Variants in ZNF521 observed in about 807,000 individuals in gnomAD.
ZNF521 encodes zinc finger protein 521.
In ZNF521, 14 loss-of-function variants were observed where a neutral mutation model predicts 105.5. The observed-to-expected ratio is 0.13, with a 90% CI of 0.09 to 0.21. The LOEUF is 0.21. ZNF521 is among the 10% of genes least tolerant of loss of function. The probability of loss-of-function intolerance (pLI) is 1.00; values close to 1 mark genes in which losing one functional copy is unlikely to be tolerated. For synonymous variants in ZNF521, 635 were observed against 606.0 expected (o/e 1.05, Z -0.70); for missense variants, 1,233 against 1,629.7 (o/e 0.76, Z 4.19).
Position 25,224,768 on chromosome 18 carries a change from A to C in ZNF521, c.3150T>G (p.Ser1050=), listed in dbSNP as rs1905992362. ...GGCCCCGCCCTGTGGTCTGAACTGC[A>C]GACCCATTCCCTGTCTTTTGCATGT... The part of the protein sequence containing the change: ...TFHMQKTGNG[S]AVQTTGRGQH... Residue 1050 remains serine (S), a synonymous_variant, in exon 4 of 8, where the codon TCT becomes TCG. Transcript: ENST00000361524. The C allele has an allele frequency of 6.2e-7, 1 of 1,614,030 alleles. No homozygotes were observed. The highest frequency in any genetic ancestry group is 8.5e-7 in the Non-Finnish European group (1 of 1,180,010).
At chr18:25,251,869 T>G (rs1334978303) in intron 3 of ZNF521, among the ~76,000 whole-genome samples, 1 of 152,224 alleles carries the variant, frequency 6.6e-6, no homozygotes, top group Non-Finnish European at 1.5e-5. Context: ...TTTCTCTGAT[T>G]TCACACTGGT....
intron 5 of ZNF521, among the ~76,000 whole-genome samples, chr18:25,132,719 T>C (rs1302075848): frequency 2.0e-5 from 3 of 152,178 alleles, no homozygotes; most frequent in African/African-American, 7.2e-5. Context: ...CTATTTGATT[T>C]TGACAAGCCC....
At chr18:25,328,587 C>G (rs1691272144) in intron 2 of ZNF521, among the ~76,000 whole-genome samples, 1 of 148,460 alleles carries the variant, frequency 6.7e-6, no homozygotes, top group African/African-American at 2.5e-5. Flanking sequence ...GAGTCTCGCT[C>G]TTTGGCTCAG....
At chr18:25,186,187 A>C (rs746307031) in intron 5 of ZNF521, among the ~76,000 whole-genome samples, 1 of 152,190 alleles carries the variant, frequency 6.6e-6, no homozygotes, top group Non-Finnish European at 1.5e-5. Flanking sequence ...AGGATCACTG[A>C]GTATGTCATT....
intron 5 of ZNF521, among the ~76,000 whole-genome samples, chr18:25,122,130 C>T (rs887286050): frequency 1.3e-5 from 2 of 152,042 alleles, no homozygotes; most frequent in Non-Finnish European, 2.9e-5. Context: ...ATAAAAAGAT[C>T]CATATTGAAC....
chr18:25,163,694 C>T (rs531169684), intron 5 of ZNF521, among the ~76,000 whole-genome samples: 30 of 152,282 alleles, frequency 2.0e-4, no homozygotes, highest in South Asian at 1.9e-3. Flanking sequence ...CATACACATA[C>T]GTTCCTGCTC....
At chr18:25,269,648 G>A (rs187559262) in intron 3 of ZNF521, among the ~76,000 whole-genome samples, 273 of 152,180 alleles carry the variant, frequency 1.8e-3, no homozygotes, top group Middle Eastern at 6.8e-3. Flanking sequence ...ACTCAAAACT[G>A]CACAACTACA....
intron 3 of ZNF521, among the ~76,000 whole-genome samples, chr18:25,320,953 T>C (rs984491152): frequency 6.6e-6 from 1 of 152,228 alleles, no homozygotes; most frequent in Non-Finnish European, 1.5e-5. Flanking sequence ...AAGAAGCCTA[T>C]TTAATGGATT....
chr18:25,090,066 G>A (rs1396610550), intron 6 of ZNF521, among the ~76,000 whole-genome samples: 1 of 152,136 alleles, frequency 6.6e-6, no homozygotes, highest in Non-Finnish European at 1.5e-5. Flanking sequence ...AAACAGAACG[G>A]CAGGTAAATT....
At chr18:25,307,851 T>C (rs990806029) in intron 3 of ZNF521, among the ~76,000 whole-genome samples, 6 of 152,102 alleles carry the variant, frequency 3.9e-5, no homozygotes, top group Admixed American at 2.0e-4. Context: ...AGAAAGGCCC[T>C]TGCAGTGAAG....
intron 5 of ZNF521, among the ~76,000 whole-genome samples, chr18:25,098,867 A>G (rs1290844306): frequency 1.3e-5 from 2 of 152,220 alleles, no homozygotes; most frequent in Admixed American, 6.5e-5. Context: ...CTTGAAAGAA[A>G]GTTTGTGAGC....
intron 4 of ZNF521, among the ~76,000 whole-genome samples, chr18:25,214,473 C>G (rs1412102645): frequency 1.3e-5 from 2 of 152,114 alleles, no homozygotes; most frequent in South Asian, 2.1e-4. Flanking sequence ...TTCTATTTAT[C>G]TTAAGTTGAT....
intron 3 of ZNF521, among the ~76,000 whole-genome samples, chr18:25,259,567 G>A (rs1908762938): frequency 6.6e-6 from 1 of 152,166 alleles, no homozygotes; most frequent in African/African-American, 2.4e-5. Flanking sequence ...AGGGAGTAGA[G>A]AGGAAAACAA....
intron 7 of ZNF521, among the ~76,000 whole-genome samples, chr18:25,063,329 C>A (rs978936727): frequency 2.0e-5 from 3 of 152,108 alleles, no homozygotes; most frequent in African/African-American, 7.2e-5. Context: ...TGGGAGCAGC[C>A]CCCCTCCTGA....
In ZNF521 at chr18:25,091,934, GA is replaced by G; in HGVS notation, c.3790+15del. 2.5e-6 allele frequency: 4 copies of G among 1,612,862 alleles called. No homozygotes were observed. Among genetic ancestry groups the G allele is most frequent in the Non-Finnish European group, 3.4e-6 (4 of 1,179,382 alleles). On this transcript the variant is annotated intron_variant, in intron 6 of 7. Transcript: ENST00000361524. ...CCATCAGCCTCTCCTGTGTCTTCCT[GA>G]AATAATCTTCCCACCTGTAAAGCAG...
chr18:25,283,846 T>A (rs1029542414), intron 3 of ZNF521, among the ~76,000 whole-genome samples: 7 of 151,334 alleles, frequency 4.6e-5, no homozygotes, highest in Non-Finnish European at 8.8e-5. Context: ...TTAAACGGAA[T>A]CAGTTGAAGA....
At chr18:25,302,987 C>T (rs557921972) in intron 3 of ZNF521, 1 of 152,188 alleles carries the variant, frequency 6.6e-6, no homozygotes, top group African/African-American at 2.4e-5. Context: ...CAGTTGCACA[C>T]CTCAAAATAT....
At chr18:25,279,914 C>T (rs1346969617) in intron 3 of ZNF521, among the ~76,000 whole-genome samples, 2 of 152,178 alleles carry the variant, frequency 1.3e-5, no homozygotes, top group African/African-American at 4.8e-5. Context: ...AATATAGCCT[C>T]ATAAATTATA....
intron 3 of ZNF521, among the ~76,000 whole-genome samples, chr18:25,255,199 T>C (rs895294346): frequency 6.6e-6 from 1 of 152,174 alleles, no homozygotes; most frequent in Non-Finnish European, 1.5e-5. Flanking sequence ...TTTACTCATG[T>C]TATCTGATCA....
Sources: allele counts gnomAD v4.1 joint callset (sites outside exome capture counted in the v4.1 genomes callset), GRCh38; gene constraint gnomAD v4.1.1; transcripts MANE v1.5; gene names NCBI Gene and HGNC (gene_info 2026-07-23, HGNC 2026-07-21).